Variants in DMXL1 observed in about 807,000 individuals in gnomAD.
DMXL1 encodes dmX-like protein 1.
In DMXL1, 99 loss-of-function variants were observed where a neutral mutation model predicts 319.2. The ratio of observed to expected loss-of-function variants is 0.31; its 90% confidence interval spans 0.26 to 0.37. DMXL1 has a LOEUF of 0.37. Among genes scored for constraint, DMXL1 ranks in the 10% least tolerant of loss-of-function variants. The pLI is 1.00. For synonymous variants in DMXL1, 1,385 were observed against 1,235.2 expected (o/e 1.12, Z -2.54); for missense variants, 3,745 against 3,595.6 (o/e 1.04, Z -1.06).
intron 28 of DMXL1, among the ~76,000 whole-genome samples, chr5:119,180,122 G>A (rs1173458748): frequency 6.6e-6 from 1 of 152,104 alleles, no homozygotes; most frequent in Non-Finnish European, 1.5e-5. Context: ...TTTATTATTG[G>A]TCTATTTGGA....
chr5:119,097,923 T>G, intron 1 of DMXL1, 56 bp from the exon 2 acceptor site: 3 of 1,429,480 alleles, frequency 2.1e-6, no homozygotes, highest in Non-Finnish European at 2.9e-6. Context: ...ACTAGTATTC[T>G]ACATGGTAAA....
intron 28 of DMXL1, 34 bp downstream of exon 28, chr5:119,178,278 TTATTTA>T: frequency 6.3e-7 from 1 of 1,594,208 alleles, no homozygotes; most frequent in Non-Finnish European, 8.6e-7. Context: ...GACTGAAGCT[TTATTTA>T]TCTGAGTGAT....
chr5:119,146,991 A>G (rs1026007717), intron 16 of DMXL1, 35 bp downstream of exon 16: 1 of 1,606,584 alleles, frequency 6.2e-7, no homozygotes, highest in Non-Finnish European at 8.5e-7. Flanking sequence ...TGCAACTTTA[A>G]TAGGTGTAAG....
chr5:119,146,533 T>C (rs1768579413), intron 15 of DMXL1, among the ~76,000 whole-genome samples: 1 of 151,988 alleles, frequency 6.6e-6, no homozygotes, highest in African/African-American at 2.4e-5. Flanking sequence ...ATTACATAGT[T>C]CCTATCTGTT....
Position 119,099,175 on chromosome 5 carries a change from G to GT in DMXL1, c.213+1081dup, listed in dbSNP as rs796213660. Among the ~76,000 whole-genome samples the GT allele has an allele frequency of 4.1e-3, 533 of 129,078 alleles. 2 individuals carry two copies. The highest frequency in any genetic ancestry group is 0.013 in the African/African-American group (384 of 30,720). The allele number at this position is 129,078 out of a possible 152,430, so 84.7% of individuals were successfully genotyped here. ...ATTATGGAATGCTGGAAATCTTTGG[G>GT]TTTTTTTTTTGTTTTTTGTTTGTTT... On this transcript the variant is annotated intron_variant, in intron 2 of 43. Coordinates refer to ENST00000539542, the MANE Select transcript of DMXL1 (RefSeq NM_001290321.3).
intron 37 of DMXL1, among the ~76,000 whole-genome samples, chr5:119,223,172 T>C (rs1037220066): frequency 2.0e-5 from 3 of 150,016 alleles, no homozygotes; most frequent in African/African-American, 7.3e-5. Context: ...TTCTCCTGCC[T>C]CAGCCTCCCT....
chr5:119,106,866 A>G (rs893577207), intron 4 of DMXL1, among the ~76,000 whole-genome samples: 2 of 152,232 alleles, frequency 1.3e-5, no homozygotes, highest in Admixed American at 1.3e-4. Context: ...TAGGCAGTAG[A>G]ATTGACATTA....
At position 119,121,016 on chromosome 5, in the gene DMXL1, C is replaced by G. The variant is rs371115392; in HGVS notation, c.979C>G (p.Leu327Val). 17 of 1,613,510 alleles carry G rather than the reference C, an allele frequency of 1.1e-5. No homozygotes were observed. Among genetic ancestry groups the G allele is most frequent in the Non-Finnish European group, 1.4e-5 (16 of 1,179,938 alleles). Reference protein sequence around the residue: ...FRRGRRRSLALVAHTGYLPHQ... With the variant: ...FRRGRRRSLAVVAHTGYLPHQ... ...TAGAGGTCGGAGGAGATCACTTGCT[C>G]TTGTAGCACATACGGGATATCTACC... The change falls in exon 9 of 44, where the codon CTT becomes GTT. Residue 327 changes from leucine (L) to valine (V), a missense_variant. Around this residue, in one of 4 missense-constraint regions of DMXL1, gnomAD observed 2,096 missense variants for 1,985.4 expected, o/e 1.06. Coordinates refer to ENST00000539542, the MANE Select transcript of DMXL1 (RefSeq NM_001290321.3).
chr5:119,161,663 G>C (rs1772298256), intron 19 of DMXL1, among the ~76,000 whole-genome samples: 1 of 152,138 alleles, frequency 6.6e-6, no homozygotes, highest in South Asian at 2.1e-4. Flanking sequence ...GCCACTGTTT[G>C]AACTCTCTGG....
Position 119,149,496 on chromosome 5 carries a change from G to A in DMXL1, c.3669G>A (p.Arg1223=). 1 of 1,613,924 alleles carries A rather than the reference G, an allele frequency of 6.2e-7. No homozygotes were observed. The highest frequency in any genetic ancestry group is 8.5e-7 in the Non-Finnish European group (1 of 1,179,906). ...PPFPVSLSWV[R]DGILVVGMDC... ...TTCCTGTTTCTTTATCGTGGGTCCG[G>A]GATGGCATCCTTGTGGTAGGAATGG... is the stretch of plus-strand genomic sequence containing the variant. The change falls in exon 18 of 44, where the codon CGG becomes CGA. Residue 1223 remains arginine (R), a synonymous_variant. Coordinates refer to ENST00000539542, the MANE Select transcript of DMXL1 (RefSeq NM_001290321.3).
At chr5:119,081,921 C>A (rs1752264839) in intron 1 of DMXL1, among the ~76,000 whole-genome samples, 1 of 150,386 alleles carries the variant, frequency 6.6e-6, no homozygotes, top group African/African-American at 2.4e-5. Context: ...TCTTGCCCTT[C>A]AGGAGCCTGA....
At chr5:119,123,968 C>G (rs888041977) in intron 9 of DMXL1, among the ~76,000 whole-genome samples, 1 of 150,672 alleles carries the variant, frequency 6.6e-6, no homozygotes, top group African/African-American at 2.4e-5. Context: ...TGCAGCAACT[C>G]ACTGGATTAG....
chr5:119,093,696 C>G (rs1265359683), intron 1 of DMXL1, among the ~76,000 whole-genome samples: 2 of 152,096 alleles, frequency 1.3e-5, no homozygotes, highest in Non-Finnish European at 2.9e-5. Context: ...AAAACCTAGG[C>G]CTATTGTGCT....
intron 1 of DMXL1, among the ~76,000 whole-genome samples, chr5:119,089,296 T>G (rs61548030): frequency 2.4e-5 from 1 of 41,314 alleles, no homozygotes; most frequent in African/African-American, 9.8e-5. Context: ...ATATATATTT[T>G]TTTTTTTTTT....
chr5:119,088,958 C>T (rs1753974051), intron 1 of DMXL1, among the ~76,000 whole-genome samples: 1 of 151,804 alleles, frequency 6.6e-6, no homozygotes, highest in Admixed American at 6.6e-5. Context: ...CTTAATTTTT[C>T]CAGTGAGTTT....
intron 38 of DMXL1, among the ~76,000 whole-genome samples, chr5:119,230,020 T>C (rs1468567256): frequency 6.6e-6 from 1 of 152,198 alleles, no homozygotes; most frequent in Admixed American, 6.5e-5. Flanking sequence ...ATTCAATTAA[T>C]ATCCATCATT....
intron 23 of DMXL1, among the ~76,000 whole-genome samples, chr5:119,169,686 G>T (rs1241468652): frequency 6.6e-6 from 1 of 152,220 alleles, no homozygotes; most frequent in East Asian, 1.9e-4. Flanking sequence ...TAGGTTTTCA[G>T]TGTGAAGTTG....
intron 19 of DMXL1, among the ~76,000 whole-genome samples, chr5:119,162,622 G>A (rs1193171924): frequency 6.6e-6 from 1 of 152,176 alleles, no homozygotes; most frequent in African/African-American, 2.4e-5. Flanking sequence ...TGTTAATGCT[G>A]TTACATTGCA....
chr5:119,128,004 A>G lies in DMXL1; in HGVS notation c.1103-1207A>G, dbSNP rs550928252. ...ACAACCCTGCACCCTGTTATGAGGC[A>G]TCTGACATCTGTTTTATCATGATTC... is the stretch of plus-strand genomic sequence containing the variant. On this transcript the variant is annotated intron_variant, in intron 9 of 43. Transcript: ENST00000539542. 5.5e-4 allele frequency: 225 copies of G among 408,418 alleles called. 1 individual carries two copies. The highest frequency in any genetic ancestry group is 4.5e-3 in the African/African-American group (214 of 47,872). 25.3% of individuals were successfully genotyped at this position (408,418 alleles called of 1,614,324 possible).
Sources: allele counts gnomAD v4.1 joint callset (sites outside exome capture counted in the v4.1 genomes callset), GRCh38; gene constraint gnomAD v4.1.1; regional missense constraint gnomAD v4.1.1; transcripts MANE v1.5; gene names NCBI Gene and HGNC (gene_info 2026-07-23, HGNC 2026-07-21).